The following OLFML1 variants were observed in gnomAD, a reference collection of about 807,000 sequenced individuals.
The protein encoded by OLFML1 is olfactomedin-like protein 1.
Under a neutral mutation model 37.3 loss-of-function variants are expected in OLFML1, and 33 were observed. The ratio of observed to expected loss-of-function variants is 0.88; its 90% CI spans 0.67 to 1.18. OLFML1 has a LOEUF of 1.18. OLFML1 is among the 50% of genes most tolerant of loss of function. The pLI is 0.00. For synonymous variants in OLFML1, 186 were observed against 181.3 expected (o/e 1.03, Z -0.21); for missense variants, 545 against 483.7 (o/e 1.13, Z -1.19).
At chr11:7,490,160 A>G (rs569397483) in intron 2 of OLFML1, among the ~76,000 whole-genome samples, 1 of 151,148 alleles carries the variant, frequency 6.6e-6, no homozygotes, top group East Asian at 2.0e-4. Flanking sequence ...ACCAAAAAAC[A>G]TCTTATCCCT....
At chr11:7,497,558 C>T (rs1467814036) in intron 2 of OLFML1, among the ~76,000 whole-genome samples, 1 of 152,164 alleles carries the variant, frequency 6.6e-6, no homozygotes, top group Admixed American at 6.5e-5. Context: ...TGGACTCACA[C>T]TCATACCTCA....
rs1362105998 is a variant in OLFML1 at position 7,509,491 on chromosome 11, A to C, written c.512A>C (p.Asn171Thr). Residue 171 changes from asparagine to threonine, a missense_variant, in exon 3 of 3, where the codon AAC becomes ACC. Transcript: ENST00000329293. ...HGSWMKDAVY[N>T]SPKVYLLIGS... ...TCTTGGATGAAAGATGCTGTCTATA[A>C]CTCTCCAAAGGTGTACTTATTAATT... 22 of 1,613,938 alleles carry C rather than the reference A, an allele frequency of 1.4e-5. No homozygotes were observed. The highest frequency in any genetic ancestry group is 1.8e-5 in the Non-Finnish European group (21 of 1,179,968).
At position 7,510,600 on chromosome 11, in the gene OLFML1, T is replaced by G. The variant is rs1366274474; in HGVS notation, c.*412T>G. ...CCTGGCCTTTGCTGAAGCTCTTCCC[T>G]CTTTTTCAAATGTCTATTGATATTC... On this transcript the variant is annotated 3_prime_UTR_variant, in exon 3 of 3. Coordinates refer to ENST00000329293, the MANE Select transcript of OLFML1 (RefSeq NM_198474.4). 6.2e-6 allele frequency: 1 copy of G among 160,694 alleles called. No individual in the cohort carries two copies. Among genetic ancestry groups the G allele is most frequent in the Non-Finnish European group, 1.4e-5 (1 of 73,656 alleles). The allele number at this position is 160,694 out of a possible 1,614,324, so 10.0% of individuals were successfully genotyped here.
At position 7,488,328 on chromosome 11, in the gene OLFML1, T is replaced by G. The variant is rs1427169463; in HGVS notation, c.331T>G (p.Cys111Gly). Residue 111 changes from cysteine to glycine, a missense_variant, in exon 2 of 3, where the codon TGC becomes GGC. Transcript: ENST00000329293. ...YIQYLREADE[C>G]IESEDKTLAE... Reference sequence around the variant, plus strand: ...ACAATACCTTCGAGAGGCTGACGAGTGCATCGAATCAGAGGACAAGACACT... The same window carrying G: ...ACAATACCTTCGAGAGGCTGACGAGGGCATCGAATCAGAGGACAAGACACT... 1 of 1,613,784 alleles carries G rather than the reference T, an allele frequency of 6.2e-7. No individual in the cohort carries two copies. The highest frequency in any genetic ancestry group is 1.7e-5 in the Admixed American group (1 of 59,984).
In OLFML1 at chr11:7,510,282, A is replaced by G. The variant is rs1263262964; in HGVS notation, c.*94A>G. 5 of 966,990 alleles carry G rather than the reference A, an allele frequency of 5.2e-6. No homozygotes were observed. The East Asian group carries it at 1.3e-4, about 25-fold the overall frequency. The allele number at this position is 966,990 out of a possible 1,614,324, so 59.9% of individuals were successfully genotyped here. On this transcript the variant is annotated 3_prime_UTR_variant, in exon 3 of 3. Coordinates refer to ENST00000329293, the MANE Select transcript of OLFML1 (RefSeq NM_198474.4). ...CCCTTCACAATATAGTATCCCTCTA[A>G]TCACACACAGGAAGAGTGTGTAGAA...
At chr11:7,491,354 A>G (rs1361793394) in intron 2 of OLFML1, among the ~76,000 whole-genome samples, 2 of 152,116 alleles carry the variant, frequency 1.3e-5, no homozygotes, top group African/African-American at 2.4e-5. Flanking sequence ...TTCCACAAAC[A>G]TACTGACATC....
At chr11:7,495,909 G>A (rs79393765) in intron 2 of OLFML1, among the ~76,000 whole-genome samples, 6,722 of 152,006 alleles carry the variant, frequency 0.044, 214 homozygotes, top group Non-Finnish European at 0.071. Context: ...CCCCAGACAT[G>A]CTAGATTCAT....
intron 2 of OLFML1, among the ~76,000 whole-genome samples, chr11:7,490,452 T>C (rs575386956): frequency 4.6e-5 from 7 of 152,190 alleles, no homozygotes; most frequent in African/African-American, 1.7e-4. Flanking sequence ...TGAATAGTGG[T>C]GCTGAATTGG....
intron 2 of OLFML1, among the ~76,000 whole-genome samples, chr11:7,493,237 A>G (rs1043064650): frequency 1.3e-5 from 2 of 152,210 alleles, no homozygotes; most frequent in Non-Finnish European, 2.9e-5. Context: ...CACGTTTCAA[A>G]TAAGAAAGTC....
chr11:7,505,170 G>C (rs1471219735), intron 2 of OLFML1, among the ~76,000 whole-genome samples: 2 of 151,160 alleles, frequency 1.3e-5, no homozygotes, highest in Admixed American at 6.6e-5. Context: ...CTGAGATCAA[G>C]TGATTTGTCT....
intron 2 of OLFML1, among the ~76,000 whole-genome samples, chr11:7,505,061 G>A (rs1196990794): frequency 2.0e-5 from 3 of 151,360 alleles, no homozygotes; most frequent in Non-Finnish European, 4.4e-5. Context: ...CTGAGTAGCT[G>A]GGACTACAGG....
chr11:7,509,480 T>G lies in OLFML1; in HGVS notation c.501T>G (p.Asp167Glu). ...ACACACATGGCTCTTGGATGAAAGA[T>G]GCTGTCTATAACTCTCCAAAGGTGT... is the stretch of plus-strand genomic sequence containing the variant. ...MMDTHGSWMKDAVYNSPKVYL... is the reference protein window; with the variant it reads ...MMDTHGSWMKEAVYNSPKVYL... Residue 167 changes from aspartate (D) to glutamate (E), a missense_variant, in exon 3 of 3, where the codon GAT becomes GAG. Asp to Glu is a conservative substitution (Grantham distance 45). Coordinates refer to ENST00000329293, the MANE Select transcript of OLFML1 (RefSeq NM_198474.4). 6.2e-7 allele frequency: 1 copy of G among 1,614,034 alleles called. No individual in the cohort carries two copies. The highest frequency in any genetic ancestry group is 8.5e-7 in the Non-Finnish European group (1 of 1,179,916).
chr11:7,486,189 C>T (rs922345913), intron 1 of OLFML1, among the ~76,000 whole-genome samples, 185 bp downstream of exon 1: 2 of 152,226 alleles, frequency 1.3e-5, no homozygotes, highest in Admixed American at 6.5e-5. Flanking sequence ...CAGTGTGCTA[C>T]TTCCAGACCT....
In OLFML1 at chr11:7,510,623, T is replaced by C. The variant is rs1197157242; in HGVS notation, c.*435T>C. ...CCTCTTTTTCAAATGTCTATTGATA[T>C]TCTCCCATTTTCACTGCCCAACTAA... On this transcript the variant is annotated 3_prime_UTR_variant, in exon 3 of 3. Coordinates refer to ENST00000329293, the MANE Select transcript of OLFML1 (RefSeq NM_198474.4). 6.4e-6 allele frequency: 1 copy of C among 156,144 alleles called. No individual in the cohort carries two copies. The highest frequency in any genetic ancestry group is 1.4e-5 in the Non-Finnish European group (1 of 70,656). The allele number at this position is 156,144 out of a possible 1,614,324, so 9.7% of individuals were successfully genotyped here. A position where few individuals can be genotyped will look rare whatever the true frequency, so the allele number is the denominator to read the frequency against.
chr11:7,504,421 A>G (rs1340912030), intron 2 of OLFML1, among the ~76,000 whole-genome samples: 1 of 152,082 alleles, frequency 6.6e-6, no homozygotes, highest in Non-Finnish European at 1.5e-5. Flanking sequence ...TTTCACTCTG[A>G]GTGAAATGAG....
In OLFML1 at chr11:7,510,281, A is replaced by C; in HGVS notation, c.*93A>C. Reference sequence around the variant, plus strand: ...CCCCTTCACAATATAGTATCCCTCTAATCACACACAGGAAGAGTGTGTAGA... The same window carrying C: ...CCCCTTCACAATATAGTATCCCTCTCATCACACACAGGAAGAGTGTGTAGA... On this transcript the variant is annotated 3_prime_UTR_variant, in exon 3 of 3. Coordinates refer to ENST00000329293, the MANE Select transcript of OLFML1 (RefSeq NM_198474.4). 1 of 969,774 alleles carries C rather than the reference A, an allele frequency of 1.0e-6. No homozygotes were observed. Among genetic ancestry groups the C allele is most frequent in the Non-Finnish European group, 1.5e-6 (1 of 668,198 alleles). The allele number at this position is 969,774 out of a possible 1,614,324, so 60.1% of individuals were successfully genotyped here. A position where few individuals can be genotyped will look rare whatever the true frequency, so the allele number is the denominator to read the frequency against.
chr11:7,496,181 G>A (rs368009772), intron 2 of OLFML1, among the ~76,000 whole-genome samples: 6 of 152,322 alleles, frequency 3.9e-5, no homozygotes, highest in African/African-American at 1.4e-4. Context: ...GCTCCTGCAG[G>A]AGGCTAACCT....
At chr11:7,487,532 C>T (rs2134173947) in intron 1 of OLFML1, among the ~76,000 whole-genome samples, 1 of 152,286 alleles carries the variant, frequency 6.6e-6, no homozygotes, top group South Asian at 2.1e-4. Context: ...TTTTGTTCAG[C>T]AAATATTTAT....
chr11:7,508,043 G>A (rs10769798), intron 2 of OLFML1, among the ~76,000 whole-genome samples: 90,406 of 152,112 alleles, frequency 0.59, 27,195 homozygotes, highest in Non-Finnish European at 0.6. Context: ...CTGTGGCTTT[G>A]TTCTTAAAAT....
Sources: gnomAD v4.1 joint callset for allele counts (sites outside exome capture counted in the v4.1 genomes callset) on GRCh38, gnomAD v4.1.1 for gene constraint, MANE v1.5 for transcripts, NCBI Gene and HGNC (gene_info 2026-07-23, HGNC 2026-07-21) for gene names.